The following DOCK5 variants were observed in gnomAD, a reference collection of about 807,000 sequenced individuals.
The protein encoded by DOCK5 is dedicator of cytokinesis protein 5.
In DOCK5, 142 loss-of-function variants were observed where a neutral mutation model predicts 251.8. That is an observed-to-expected ratio of 0.56 (90% CI 0.49 to 0.65). The LOEUF (loss-of-function observed/expected upper bound fraction) is 0.65. DOCK5 is among the 30% of genes least tolerant of loss of function. The probability of loss-of-function intolerance (pLI) is 0.00; values close to 1 mark genes in which losing one functional copy is unlikely to be tolerated. For missense variants in DOCK5, 2,111 were observed against 2,312.3 expected, an observed-to-expected ratio of 0.91 and a Z score of 1.79; for synonymous variants, 842 against 835.5, an observed-to-expected ratio of 1.01 and a Z score of -0.13.
chr8:25,393,255 C>G (rs1801291604), intron 44 of DOCK5, among the ~76,000 whole-genome samples: 1 of 152,202 alleles, frequency 6.6e-6, no homozygotes, highest in South Asian at 2.1e-4. Flanking sequence ...TCCACAGTTA[C>G]CCTAGACTCC....
At chr8:25,331,184 C>G (rs1337711003) in intron 18 of DOCK5, among the ~76,000 whole-genome samples, 1 of 151,008 alleles carries the variant, frequency 6.6e-6, no homozygotes, top group Non-Finnish European at 1.5e-5. Context: ...ATGTACTAAA[C>G]TAGGTGATAA....
chr8:25,373,315 A>G (rs552430022), intron 35 of DOCK5, among the ~76,000 whole-genome samples: 12 of 152,184 alleles, frequency 7.9e-5, no homozygotes, highest in African/African-American at 2.9e-4. Flanking sequence ...TTATTTCTTT[A>G]GTGGTGATTT....
At chr8:25,315,139 A>ATTATTTTTTTTTTTTTTT in intron 13 of DOCK5, among the ~76,000 whole-genome samples, 1 of 141,008 alleles carries the variant, frequency 7.1e-6, no homozygotes, top group Non-Finnish European at 1.6e-5. Context: ...AAATATTAAA[A>ATTATTTTTTTTTTTTTTT]TTCTTAATTT....
At chr8:25,403,531 T>G in intron 47 of DOCK5, 27 bp from the exon 48 acceptor site, 1 of 1,611,508 alleles carries the variant, frequency 6.2e-7, no homozygotes, top group East Asian at 2.2e-5. Context: ...CCAGGTCCGC[T>G]AACCATGTGG....
chr8:25,236,780 G>A (rs560536138), intron 1 of DOCK5, among the ~76,000 whole-genome samples: 43 of 151,318 alleles, frequency 2.8e-4, no homozygotes, highest in African/African-American at 9.7e-4. Context: ...TGTATTTTTA[G>A]TAGAGATGGG....
intron 35 of DOCK5, among the ~76,000 whole-genome samples, chr8:25,373,041 C>T (rs1204987307): frequency 6.7e-6 from 1 of 148,308 alleles, no homozygotes; most frequent in African/African-American, 2.5e-5. Flanking sequence ...CGTTCTGTTG[C>T]CGGGCTGGAG....
chr8:25,224,005 A>C (rs9773916), intron 1 of DOCK5, among the ~76,000 whole-genome samples: 13,532 of 152,256 alleles, frequency 0.089, 1,665 homozygotes, highest in African/African-American at 0.28. Context: ...ACAAGGCTAA[A>C]TTGCACTCAG....
intron 26 of DOCK5, among the ~76,000 whole-genome samples, chr8:25,347,845 C>T (rs778914770): frequency 2.9e-4 from 44 of 152,184 alleles, no homozygotes; most frequent in Non-Finnish European, 2.4e-4. Context: ...GTCTCTTCCA[C>T]TTCTGACCCT....
intron 37 of DOCK5, chr8:25,376,411 CTT>C: frequency 1.0e-6 from 1 of 975,650 alleles, no homozygotes. Context: ...GAGGGAATCT[CTT>C]TCTAGATTGT....
intron 18 of DOCK5, among the ~76,000 whole-genome samples, chr8:25,326,228 C>A (rs186805182): frequency 6.6e-6 from 1 of 152,122 alleles, no homozygotes; most frequent in African/African-American, 2.4e-5. Context: ...AGGGGACTTG[C>A]GCTAGAAATT....
chr8:25,321,570 G>A (rs929888893), intron 16 of DOCK5, among the ~76,000 whole-genome samples: 1 of 152,172 alleles, frequency 6.6e-6, no homozygotes, highest in Admixed American at 6.5e-5. Flanking sequence ...TCCCTTGCAT[G>A]CACAGGTCAC....
At chr8:25,293,070 G>C (rs73673883) in intron 6 of DOCK5, among the ~76,000 whole-genome samples, 5,357 of 152,266 alleles carry the variant, frequency 0.035, 333 homozygotes, top group African/African-American at 0.12. Flanking sequence ...GAGAAATTCA[G>C]TCCTATATCC....
chr8:25,401,064 C>T lies in DOCK5; in HGVS notation c.4924C>T (p.Leu1642=). 6.2e-7 allele frequency: 1 copy of T among 1,613,958 alleles called. No individual in the cohort carries two copies. Among genetic ancestry groups the T allele is most frequent in the Non-Finnish European group, 8.5e-7 (1 of 1,179,858 alleles). ...AGAAAAGCACTATGGGGTTATAACA[C>T]TGGTAAGCATGATCTAAGTAGCCTT... ...KVEKHYGVIT[L]PPNLTERKQS... Residue 1642 remains leucine (L), a splice_region_variant and synonymous_variant, in exon 47 of 52, where the codon CTG becomes TTG. Transcript: ENST00000276440.
At position 25,400,001 on chromosome 8, in the gene DOCK5, G is replaced by C; in HGVS notation, c.4788+7G>C. On this transcript the variant is annotated splice_region_variant and intron_variant, in intron 46 of 51. Coordinates refer to ENST00000276440, the MANE Select transcript of DOCK5 (RefSeq NM_024940.8). ...GCGACTAATAGCATTACAGGTACAG[G>C]ACGGCTTTCCTCTACACTCCCAGGG... The C allele has an allele frequency of 6.2e-7, 1 of 1,612,594 alleles. No homozygotes were observed. The highest frequency in any genetic ancestry group is 8.5e-7 in the Non-Finnish European group (1 of 1,179,164).
chr8:25,238,706 T>G (rs1223124100), intron 1 of DOCK5, among the ~76,000 whole-genome samples: 6 of 152,212 alleles, frequency 3.9e-5, no homozygotes, highest in Admixed American at 3.9e-4. Flanking sequence ...CAGCCTCTGC[T>G]CTGGAGGAAA....
Position 25,321,203 on chromosome 8 carries a change from T to C in DOCK5, c.1615+151T>C, listed in dbSNP as rs145324587. Among the ~76,000 whole-genome samples, 10 of 152,372 alleles carry C rather than the reference T, an allele frequency of 6.6e-5. No homozygotes were observed. The East Asian group carries it at 1.9e-3, about 29-fold the overall frequency. On this transcript the variant is annotated intron_variant, in intron 16 of 51. Transcript: ENST00000276440. Reference sequence around the variant, plus strand: ...CTCACTGGTGCTAAGGAAATCAGCATAATGAATTTTGCTGGGCGTGCAAGG... The same window carrying C: ...CTCACTGGTGCTAAGGAAATCAGCACAATGAATTTTGCTGGGCGTGCAAGG...
At chr8:25,251,520 C>T (rs1017331487) in intron 2 of DOCK5, among the ~76,000 whole-genome samples, 2 of 152,066 alleles carry the variant, frequency 1.3e-5, no homozygotes, top group South Asian at 2.1e-4. Context: ...CTACTTCCCT[C>T]TAATATGAAA....
intron 1 of DOCK5, among the ~76,000 whole-genome samples, chr8:25,193,127 TGAAC>T (rs568403321): frequency 2.4e-4 from 37 of 152,186 alleles, no homozygotes; most frequent in Admixed American, 4.6e-4. Flanking sequence ...TTAGTCACAG[TGAAC>T]ACTGAGTTAG....
intron 45 of DOCK5, 151 bp from the exon 46 acceptor site, chr8:25,399,760 C>T: frequency 1.5e-5 from 9 of 614,818 alleles, no homozygotes; most frequent in East Asian, 5.6e-5. Context: ...TTGCATTGTC[C>T]AACATAGTAT....
Sources: gnomAD v4.1 joint callset for allele counts (sites outside exome capture counted in the v4.1 genomes callset) on GRCh38, gnomAD v4.1.1 for gene constraint, MANE v1.5 for transcripts, NCBI Gene and HGNC (gene_info 2026-07-23, HGNC 2026-07-21) for gene names.